FOXP1: variants seen among roughly 807,000 people sequenced by gnomAD.
FOXP1 encodes forkhead box protein P1.
A neutral mutation model predicts 98.2 loss-of-function variants in FOXP1; 15 were observed. The ratio of observed to expected loss-of-function variants is 0.15; its 90% CI spans 0.10 to 0.24. FOXP1 has a LOEUF of 0.24. FOXP1 is among the 10% of genes least tolerant of loss of function. The pLI is 1.00. For synonymous variants in FOXP1, 371 were observed against 314.5 expected, an observed-to-expected ratio of 1.18 and a Z score of -1.90; for missense variants, 633 against 848.5, an observed-to-expected ratio of 0.75 and a Z score of 3.15.
chr3:71,506,601 T>C (rs2107265317), intron 2 of FOXP1, among the ~76,000 whole-genome samples: 1 of 152,296 alleles, frequency 6.6e-6, no homozygotes, highest in African/African-American at 2.4e-5. Flanking sequence ...TGCTAGCTCT[T>C]GCATCCAGAT....
At chr3:71,134,453 T>A (rs1377600268) in intron 6 of FOXP1, among the ~76,000 whole-genome samples, 2 of 152,024 alleles carry the variant, frequency 1.3e-5, no homozygotes, top group African/African-American at 4.8e-5. Flanking sequence ...AGATAGGTAT[T>A]GAGATAGGTA....
chr3:71,537,387 T>C (rs1157477691), intron 2 of FOXP1, among the ~76,000 whole-genome samples: 1 of 152,136 alleles, frequency 6.6e-6, no homozygotes, highest in African/African-American at 2.4e-5. Context: ...GGGTATTGGC[T>C]CAGCAGTATG....
intron 1 of FOXP1, chr3:71,582,433 C>T: frequency 1.0e-6 from 1 of 985,318 alleles, no homozygotes; most frequent in Non-Finnish European, 1.2e-6. Context: ...TCGCTGGCTC[C>T]AGGGAGTCGT....
intron 2 of FOXP1, among the ~76,000 whole-genome samples, chr3:71,577,921 T>G (rs2047855319): frequency 6.6e-6 from 1 of 152,122 alleles, no homozygotes; most frequent in Admixed American, 6.5e-5. Context: ...TTGAGAGGTT[T>G]ATATACTCTA....
intron 5 of FOXP1, among the ~76,000 whole-genome samples, chr3:71,207,330 T>C (rs2064120388): frequency 6.6e-6 from 1 of 151,852 alleles, no homozygotes; most frequent in Non-Finnish European, 1.5e-5. Context: ...ACTGGCGTGA[T>C]CTATGACACA....
At chr3:71,039,837 T>C (rs1224784254) in intron 11 of FOXP1, among the ~76,000 whole-genome samples, 1 of 151,936 alleles carries the variant, frequency 6.6e-6, no homozygotes, top group Non-Finnish European at 1.5e-5. Context: ...ATATCTATCC[T>C]TGCCAGAAAC....
chr3:71,112,627 A>C lies in FOXP1; in HGVS notation c.191T>G (p.Val64Gly). The change falls in exon 7 of 21, where the codon GTG becomes GGG. Residue 64 changes from valine to glycine, a missense_variant. Transcript: ENST00000649528. ...CTGCTGAAGAAGGAGCTGTCTTGCC[A>C]CCTGAAGTGCCTGGAAGGAAAAACA... is the stretch of plus-strand genomic sequence containing the variant. ...AQQQQQQALQ[V>G]ARQLLLQQQQ... 1 of 1,613,760 alleles carries C rather than the reference A, an allele frequency of 6.2e-7. No individual in the cohort carries two copies. The highest frequency in any genetic ancestry group is 8.5e-7 in the Non-Finnish European group (1 of 1,179,702).
At chr3:71,577,237 C>T (rs1381363667) in intron 2 of FOXP1, among the ~76,000 whole-genome samples, 1 of 152,156 alleles carries the variant, frequency 6.6e-6, no homozygotes, top group Non-Finnish European at 1.5e-5. Flanking sequence ...GCACTTTCCC[C>T]CATTGTACTT....
intron 11 of FOXP1, among the ~76,000 whole-genome samples, chr3:71,022,169 AAT>A (rs2045537923): frequency 6.6e-6 from 1 of 152,042 alleles, no homozygotes; most frequent in Non-Finnish European, 1.5e-5. Flanking sequence ...CATTTTTTTT[AAT>A]GTTGTCCCAG....
intron 13 of FOXP1, among the ~76,000 whole-genome samples, chr3:70,994,620 C>T (rs758211012): frequency 2.0e-5 from 3 of 152,162 alleles, no homozygotes; most frequent in African/African-American, 4.8e-5. Context: ...GAAGAGGCCA[C>T]ACCACCTTAC....
At chr3:71,185,007 A>G (rs1011969707) in intron 6 of FOXP1, among the ~76,000 whole-genome samples, 3 of 152,126 alleles carry the variant, frequency 2.0e-5, no homozygotes, top group Admixed American at 6.6e-5. Flanking sequence ...AGCCTGGCCA[A>G]TATGATGAAA....
chr3:71,169,954 T>G (rs560538421), intron 6 of FOXP1, among the ~76,000 whole-genome samples: 2 of 152,268 alleles, frequency 1.3e-5, no homozygotes, highest in African/African-American at 4.8e-5. Context: ...AAATTTAAGT[T>G]TCATGCCAAT....
At chr3:71,435,139 G>A (rs2085128309) in intron 3 of FOXP1, among the ~76,000 whole-genome samples, 1 of 144,336 alleles carries the variant, frequency 6.9e-6, no homozygotes, top group African/African-American at 2.6e-5. Flanking sequence ...TGGACGTTGA[G>A]GATGAGGAGG....
rs1267313444 is a variant in FOXP1, at chr3:71,307,525, A to C, written c.-72-7645T>G. 1.8e-4 allele frequency among the ~76,000 whole-genome samples: 27 copies of C among 152,220 alleles called. 1 individual carries two copies. The highest frequency in any genetic ancestry group is 1.8e-3 in the Admixed American group (27 of 15,276). On this transcript the variant is annotated intron_variant, in intron 4 of 20. Transcript: ENST00000649528. Reference sequence around the variant, plus strand: ...GGTTCTCTAAGCGGGGTGCCCACAGAAACTGAAGACGCTGATTTTGTCCAC... The same window carrying C: ...GGTTCTCTAAGCGGGGTGCCCACAGCAACTGAAGACGCTGATTTTGTCCAC...
intron 4 of FOXP1, among the ~76,000 whole-genome samples, chr3:71,321,194 C>A (rs1411460531): frequency 2.6e-5 from 4 of 151,762 alleles, no homozygotes; most frequent in Non-Finnish European, 4.4e-5. Context: ...CTCAGATGAG[C>A]CTTAGTGCCA....
intron 2 of FOXP1, among the ~76,000 whole-genome samples, chr3:71,502,385 T>G (rs916267568): frequency 6.6e-6 from 1 of 152,242 alleles, no homozygotes; most frequent in African/African-American, 2.4e-5. Context: ...TTTACTTTCT[T>G]TTGATTGGCT....
chr3:70,982,015 T>C (rs1033043484), intron 14 of FOXP1, among the ~76,000 whole-genome samples: 3 of 152,182 alleles, frequency 2.0e-5, no homozygotes. Context: ...ACTTTTAAAC[T>C]TCTGTTTGAT....
At chr3:71,251,720 C>G (rs2068203930) in intron 5 of FOXP1, among the ~76,000 whole-genome samples, 1 of 152,142 alleles carries the variant, frequency 6.6e-6, no homozygotes, top group Admixed American at 6.5e-5. Flanking sequence ...GTTGGAGTTA[C>G]CCACACTGTC....
At chr3:71,331,704 C>A (rs375004025) in intron 4 of FOXP1, among the ~76,000 whole-genome samples, 1 of 152,250 alleles carries the variant, frequency 6.6e-6, no homozygotes, top group East Asian at 1.9e-4. Context: ...CTGGACCAAT[C>A]GGCACTCTGC....
Sources: gnomAD v4.1 joint callset for allele counts (sites outside exome capture counted in the v4.1 genomes callset) on GRCh38, gnomAD v4.1.1 for gene constraint, MANE v1.5 for transcripts, NCBI Gene and HGNC (gene_info 2026-07-23, HGNC 2026-07-21) for gene names.